The following PRELP variants were observed in gnomAD, a reference collection of about 807,000 sequenced individuals.
The protein encoded by PRELP is prolargin.
Under a neutral mutation model 22.8 loss-of-function variants are expected in PRELP, and 16 were observed. The ratio of observed to expected loss-of-function variants is 0.70; its 90% CI spans 0.47 to 1.06. PRELP has a LOEUF of 1.06. PRELP is among the 50% of genes least tolerant of loss of function. The pLI, the probability that PRELP is intolerant of heterozygous loss-of-function variation, is 0.00. For synonymous variants in PRELP, 233 were observed against 211.4 expected (o/e 1.10, Z -0.89); for missense variants, 434 against 485.2 (o/e 0.89, Z 0.99).
Position 203,483,289 on chromosome 1 carries a change from ACCCAGGCCCAGG to A in PRELP, c.116_127del (p.Arg39_Pro42del). The A allele has an allele frequency of 5.6e-6, 9 of 1,613,396 alleles. No homozygotes were observed. The highest frequency in any genetic ancestry group is 7.6e-6 in the Non-Finnish European group (9 of 1,179,690). Reference sequence around the variant, plus strand: ...GACCCGGGACTGGGCCCGGGCGCAGACCCAGGCCCAGGCCCAGGCCCACACCCAGCTTTCCTC... The same window carrying A: ...GACCCGGGACTGGGCCCGGGCGCAGACCCAGGCCCACACCCAGCTTTCCTC... On this transcript the variant is annotated inframe_deletion, in exon 2 of 3. Coordinates refer to ENST00000343110, the MANE Select transcript of PRELP (RefSeq NM_002725.4). The surrounding 1 kb of genome is among the most constrained non-coding windows in gnomAD (Gnocchi z 4.4).
At position 203,483,175 on chromosome 1, in the gene PRELP, C is replaced by G. The variant is rs890837483; in HGVS notation, c.-10C>G. The G allele has an allele frequency of 3.3e-6, 5 of 1,527,262 alleles. No homozygotes were observed. The highest frequency in any genetic ancestry group is 4.4e-6 in the Non-Finnish European group (5 of 1,139,684). The allele number at this position is 1,527,262 out of a possible 1,614,324, so 94.6% of individuals were successfully genotyped here. A position where few individuals can be genotyped will look rare whatever the true frequency, so the allele number is the denominator to read the frequency against. ...ATGTGTCTTCTCCCTGCAGGTGCAT[C>G]ACCTGGATCATGAGGTCACCCCTCT... On this transcript the variant is annotated 5_prime_UTR_variant, in exon 2 of 3. It adds an upstream start codon to the 5' untranslated region. Coordinates refer to ENST00000343110, the MANE Select transcript of PRELP (RefSeq NM_002725.4). The surrounding 1 kb of genome is among the most constrained non-coding windows in gnomAD (Gnocchi z 4.4).
chr1:203,478,784 G>A (rs1272150284), intron 1 of PRELP, among the ~76,000 whole-genome samples: 2 of 152,092 alleles, frequency 1.3e-5, no homozygotes, highest in East Asian at 1.9e-4. Context: ...CTAGAAAGGG[G>A]CATCTTGAAG....
chr1:203,483,820 C>T lies in PRELP; in HGVS notation c.636C>T (p.Phe212=), dbSNP rs758185991. 1 of 1,614,200 alleles carries T rather than the reference C, an allele frequency of 6.2e-7. No individual in the cohort carries two copies. Among genetic ancestry groups the T allele is most frequent in the East Asian group, 2.2e-5 (1 of 44,884 alleles). Residue 212 remains phenylalanine, a synonymous_variant, in exon 2 of 3, where the codon TTC becomes TTT. Transcript: ENST00000343110. This position sits in a 1 kb window ranked among gnomAD's most constrained non-coding sequence, Gnocchi z 4.4. ...LQHNRLSDGV[F]KPDTFHGLKN... is the part of the protein sequence containing the mutation. ...ACAACAGGCTGAGCGACGGCGTCTT[C>T]AAGCCCGACACCTTCCATGGCCTCA...
chr1:203,481,465 T>C (rs768618045), intron 1 of PRELP, among the ~76,000 whole-genome samples: 12 of 152,244 alleles, frequency 7.9e-5, no homozygotes, highest in Non-Finnish European at 1.3e-4. Flanking sequence ...CTTCTCTTTT[T>C]AACCCTTGCA....
At chr1:203,484,941 A>C (rs1661067741) in intron 2 of PRELP, among the ~76,000 whole-genome samples, 1 of 152,192 alleles carries the variant, frequency 6.6e-6, no homozygotes, top group Admixed American at 6.5e-5. Flanking sequence ...GTCCTTGAAC[A>C]AAATCAGCCT....
chr1:203,478,996 A>C (rs1305341599), intron 1 of PRELP, among the ~76,000 whole-genome samples: 1 of 152,200 alleles, frequency 6.6e-6, no homozygotes, highest in Non-Finnish European at 1.5e-5. Flanking sequence ...ACCTAGGTTG[A>C]GAACAGAAAG....
In PRELP at chr1:203,484,084, C is replaced by T; in HGVS notation, c.900C>T (p.His300=). ...ACCTGCTTGTGCTCCACCTGTCCCACAACAGGATCAGCAGTGTGCCCGCCA... is the reference window on the plus strand; with the variant it reads ...ACCTGCTTGTGCTCCACCTGTCCCATAACAGGATCAGCAGTGTGCCCGCCA... ...ISNLLVLHLS[H]NRISSVPAIN... Residue 300 remains histidine (H), a synonymous_variant, in exon 2 of 3, where the codon CAC becomes CAT. Transcript: ENST00000343110. 1 of 1,612,578 alleles carries T rather than the reference C, an allele frequency of 6.2e-7. No individual in the cohort carries two copies. Among genetic ancestry groups the T allele is most frequent in the South Asian group, 1.1e-5 (1 of 91,068 alleles).
At chr1:203,477,015 C>A (rs1441314523) in intron 1 of PRELP, among the ~76,000 whole-genome samples, 1 of 151,604 alleles carries the variant, frequency 6.6e-6, no homozygotes, top group Non-Finnish European at 1.5e-5. Flanking sequence ...CTCCTGCTCC[C>A]CTGCTCATTC....
At chr1:203,478,698 C>G (rs1204629002) in intron 1 of PRELP, among the ~76,000 whole-genome samples, 1 of 152,096 alleles carries the variant, frequency 6.6e-6, no homozygotes, top group Non-Finnish European at 1.5e-5. Context: ...TGAGAATCTT[C>G]TCTCCTAACT....
chr1:203,485,730 T>A (rs946144774), intron 2 of PRELP, among the ~76,000 whole-genome samples: 2 of 150,484 alleles, frequency 1.3e-5, no homozygotes, highest in Non-Finnish European at 3.0e-5. Context: ...ACAATTACAA[T>A]GAAGATGATG....
chr1:203,477,293 C>T (rs757407274), intron 1 of PRELP, among the ~76,000 whole-genome samples: 1 of 152,086 alleles, frequency 6.6e-6, no homozygotes, highest in South Asian at 2.1e-4. Context: ...TTTTTAAGCC[C>T]AAGACTCCGG....
At chr1:203,485,414 T>G (rs1661076084) in intron 2 of PRELP, among the ~76,000 whole-genome samples, 1 of 152,228 alleles carries the variant, frequency 6.6e-6, no homozygotes, top group Non-Finnish European at 1.5e-5. Context: ...CCATCCAGCC[T>G]GTCTCCTGTG....
intron 1 of PRELP, among the ~76,000 whole-genome samples, chr1:203,478,174 A>G (rs534628066): frequency 1.3e-5 from 2 of 152,232 alleles, no homozygotes; most frequent in Non-Finnish European, 2.9e-5. Flanking sequence ...TCCCCATTTT[A>G]TAGAGCAGAA....
chr1:203,483,536 C>A lies in PRELP; in HGVS notation c.352C>A (p.Pro118Thr). 6.2e-7 allele frequency: 1 copy of A among 1,614,232 alleles called. No individual in the cohort carries two copies. Reference sequence around the variant, plus strand: ...CCAGAACAACTTCATCACTGAGCTCCCGGTGGAGTCCTTCCAGAATGCCAC... The same window carrying A: ...CCAGAACAACTTCATCACTGAGCTCACGGTGGAGTCCTTCCAGAATGCCAC... ...YLQNNFITEL[P>T]VESFQNATGL... Residue 118 changes from proline (P) to threonine (T), a missense_variant, in exon 2 of 3, where the codon CCG becomes ACG. Coordinates refer to ENST00000343110, the MANE Select transcript of PRELP (RefSeq NM_002725.4). The surrounding 1 kb of genome is among the most constrained non-coding windows in gnomAD (Gnocchi z 4.4).
intron 1 of PRELP, among the ~76,000 whole-genome samples, chr1:203,479,706 CAAAAAAAAAAAA>C (rs397844598): frequency 2.1e-4 from 11 of 52,490 alleles, no homozygotes; most frequent in Admixed American, 1.5e-3. Context: ...CCTGTATCAC[CAAAAAAAAAAAA>C]AAAAAAAAAA....
chr1:203,483,695 C>T lies in PRELP; in HGVS notation c.511C>T (p.Arg171Trp), dbSNP rs1242916123. The change falls in exon 2 of 3, where the codon CGG becomes TGG. Residue 171 changes from arginine to tryptophan, a missense_variant. Physicochemically the swap from Arg to Trp is moderately radical, Grantham distance 101 (BLOSUM62 -3). Transcript: ENST00000343110. The surrounding 1 kb of genome is among the most constrained non-coding windows in gnomAD (Gnocchi z 4.4). Reference sequence around the variant, plus strand: ...GGAAGAGGTCCCCTCGGCCCTGCCCCGGAACCTGGAGCAGCTGAGGCTGAG... The same window carrying T: ...GGAAGAGGTCCCCTCGGCCCTGCCCTGGAACCTGGAGCAGCTGAGGCTGAG... ...QLEEVPSALP[R>W]NLEQLRLSQN... 13 of 1,614,212 alleles carry T rather than the reference C, an allele frequency of 8.1e-6. No homozygotes were observed. The highest frequency in any genetic ancestry group is 1.1e-5 in the South Asian group (1 of 91,078).
Position 203,483,977 on chromosome 1 carries a change from T to C in PRELP, c.793T>C (p.Phe265Leu). The change falls in exon 2 of 3, where the codon TTT (phenylalanine) becomes CTT (leucine). Residue 265 changes from phenylalanine to leucine, a missense_variant. Phe to Leu is a conservative substitution (Grantham distance 22, BLOSUM62 0). Coordinates refer to ENST00000343110, the MANE Select transcript of PRELP (RefSeq NM_002725.4). This position sits in a 1 kb window ranked among gnomAD's most constrained non-coding sequence, Gnocchi z 4.4. ...ETIPNGYFKS[F>L]PNLAFIRLNY... ...CATCCCTAACGGATACTTCAAGAGC[T>C]TTCCCAATCTTGCCTTCATTCGGCT... is the stretch of plus-strand genomic sequence containing the variant. The C allele has an allele frequency of 6.2e-7, 1 of 1,614,166 alleles. No homozygotes were observed. The highest frequency in any genetic ancestry group is 8.5e-7 in the Non-Finnish European group (1 of 1,180,044).
intron 2 of PRELP, among the ~76,000 whole-genome samples, chr1:203,485,741 C>A (rs1225589542): frequency 6.7e-6 from 1 of 148,202 alleles, no homozygotes; most frequent in African/African-American, 2.5e-5. Context: ...GAAGATGATG[C>A]CTACTCTTCC....
chr1:203,480,219 A>G (rs1660977096), intron 1 of PRELP, among the ~76,000 whole-genome samples: 1 of 152,196 alleles, frequency 6.6e-6, no homozygotes, highest in Admixed American at 6.5e-5. Context: ...GATGGTGGAG[A>G]GCAGAACTGC....
Sources: gnomAD v4.1 joint callset for allele counts (sites outside exome capture counted in the v4.1 genomes callset) on GRCh38, gnomAD v4.1.1 for gene constraint, Gnocchi (gnomAD v3.1) non-coding constraint, MANE v1.5 for transcripts, NCBI Gene and HGNC (gene_info 2026-07-23, HGNC 2026-07-21) for gene names.